The following TMEM132C variants were observed in gnomAD, a reference collection of about 807,000 sequenced individuals.
The protein encoded by TMEM132C is protein phosphatase 1, regulatory subunit 152.
TMEM132C carries 29 observed loss-of-function variants against 61.4 expected under a neutral mutation model. The observed-to-expected ratio is 0.47, with a 90% confidence interval of 0.35 to 0.64. The LOEUF (loss-of-function observed/expected upper bound fraction) is 0.64, where lower values mean the gene tolerates loss of function less well. TMEM132C is among the 30% of genes least tolerant of loss of function. The pLI is 0.00. For missense variants in TMEM132C, 1,408 were observed against 1,476.9 expected (o/e 0.95, Z 0.76); for synonymous variants, 656 against 633.1 (o/e 1.04, Z -0.54).
chr12:128,299,744 G>A (rs929184507), intron 1 of TMEM132C, among the ~76,000 whole-genome samples: 12 of 152,230 alleles, frequency 7.9e-5, no homozygotes, highest in Admixed American at 2.6e-4. Flanking sequence ...TCCTGCTGCC[G>A]AGGGTCTCTA....
intron 2 of TMEM132C, among the ~76,000 whole-genome samples, chr12:128,467,356 T>C (rs1870771459): frequency 6.6e-6 from 1 of 152,124 alleles, no homozygotes; most frequent in Non-Finnish European, 1.5e-5. Context: ...AATGCCAAAT[T>C]GTCATGTCTT....
chr12:128,364,651 C>T (rs536277581), intron 1 of TMEM132C, among the ~76,000 whole-genome samples: 8 of 152,178 alleles, frequency 5.3e-5, no homozygotes, highest in East Asian at 3.9e-4. Context: ...GACAGAGACC[C>T]GGGTGGCAGT....
At chr12:128,554,998 C>G (rs1874286600) in intron 3 of TMEM132C, among the ~76,000 whole-genome samples, 2 of 152,184 alleles carry the variant, frequency 1.3e-5, no homozygotes. Flanking sequence ...AGTGATGCCT[C>G]TCCTGTTCTT....
At chr12:128,628,255 C>A (rs1014507200) in intron 4 of TMEM132C, among the ~76,000 whole-genome samples, 1 of 152,154 alleles carries the variant, frequency 6.6e-6, no homozygotes, top group Non-Finnish European at 1.5e-5. Flanking sequence ...CCTGCTCTTG[C>A]CTCCCTGAAA....
At chr12:128,546,089 C>A (rs1873940941) in intron 3 of TMEM132C, among the ~76,000 whole-genome samples, 1 of 152,110 alleles carries the variant, frequency 6.6e-6, no homozygotes, top group Non-Finnish European at 1.5e-5. Context: ...TCTGGTGTCC[C>A]AAACAGTTCA....
intron 2 of TMEM132C, among the ~76,000 whole-genome samples, chr12:128,428,112 C>T (rs368948704): frequency 3.9e-5 from 6 of 152,098 alleles, no homozygotes; most frequent in South Asian, 2.1e-4. Context: ...ATTCCTGATA[C>T]GCCATGCAAT....
intron 3 of TMEM132C, among the ~76,000 whole-genome samples, chr12:128,608,831 G>C (rs1020193506): frequency 2.0e-5 from 3 of 152,186 alleles, no homozygotes; most frequent in African/African-American, 4.8e-5. Flanking sequence ...CTGATTTAGA[G>C]GAGGGGGAGG....
intron 2 of TMEM132C, among the ~76,000 whole-genome samples, chr12:128,537,740 T>C (rs969515218): frequency 6.6e-6 from 1 of 152,172 alleles, no homozygotes; most frequent in Non-Finnish European, 1.5e-5. Flanking sequence ...AATCTATACA[T>C]AGGATATAAT....
intron 3 of TMEM132C, among the ~76,000 whole-genome samples, chr12:128,592,172 C>T (rs1875776973): frequency 6.6e-6 from 1 of 152,134 alleles, no homozygotes; most frequent in East Asian, 1.9e-4. Flanking sequence ...TTTAACTGGG[C>T]CAGGCAGGCT....
intron 3 of TMEM132C, among the ~76,000 whole-genome samples, chr12:128,601,424 G>A (rs908196596): frequency 1.3e-5 from 2 of 152,236 alleles, no homozygotes; most frequent in Non-Finnish European, 2.9e-5. Context: ...CGATCACGGG[G>A]AGTAGAACGG....
At chr12:128,325,739 G>A (rs1198286727) in intron 1 of TMEM132C, among the ~76,000 whole-genome samples, 1 of 152,080 alleles carries the variant, frequency 6.6e-6, no homozygotes, top group Non-Finnish European at 1.5e-5. Flanking sequence ...TTTCACCAGT[G>A]GGCATCTGGT....
intron 2 of TMEM132C, among the ~76,000 whole-genome samples, chr12:128,504,827 G>T (rs1400233197): frequency 7.4e-6 from 1 of 134,850 alleles, no homozygotes; most frequent in East Asian, 2.6e-4. Context: ...GTGGGGGTGG[G>T]GGTGGGGGTG....
chr12:128,697,426 A>G lies in TMEM132C; in HGVS notation c.2121+11A>G. 2.0e-6 allele frequency: 3 copies of G among 1,525,542 alleles called. No individual in the cohort carries two copies. Among genetic ancestry groups the G allele is most frequent in the Non-Finnish European group, 2.7e-6 (3 of 1,127,676 alleles). 94.5% of individuals were successfully genotyped at this position (1,525,542 alleles called of 1,614,324 possible). On this transcript the variant is annotated intron_variant, in intron 8 of 8. Coordinates refer to ENST00000435159, the MANE Select transcript of TMEM132C (RefSeq NM_001136103.3). ...CGGACCCCCAAACAGGTAGGGGGCC[A>G]AATGCCAGAGGTTCAGAGGGAGCAG...
In TMEM132C at chr12:128,514,840, C is replaced by T. The variant is rs566819333; in HGVS notation, c.975-29117C>T. Among the ~76,000 whole-genome samples the T allele has an allele frequency of 1.4e-4, 22 of 152,334 alleles. No individual in the cohort carries two copies. The South Asian group carries it at 4.1e-3, about 29-fold the overall frequency. ...GTGTAGTAGTGAACACAGCAGACAACATTCCCAGCTCTACATTCTAGTGAG... is the reference window on the plus strand; with the variant it reads ...GTGTAGTAGTGAACACAGCAGACAATATTCCCAGCTCTACATTCTAGTGAG... On this transcript the variant is annotated intron_variant, in intron 2 of 8. Transcript: ENST00000435159.
chr12:128,387,939 C>T (rs1874638231), intron 1 of TMEM132C, among the ~76,000 whole-genome samples: 1 of 152,226 alleles, frequency 6.6e-6, no homozygotes, highest in Non-Finnish European at 1.5e-5. Flanking sequence ...TGCTCCTGGG[C>T]AGCCGTGCCC....
At chr12:128,334,597 T>C (rs906912991) in intron 1 of TMEM132C, among the ~76,000 whole-genome samples, 3 of 151,170 alleles carry the variant, frequency 2.0e-5, no homozygotes, top group African/African-American at 4.9e-5. Flanking sequence ...TTTTTCACTT[T>C]CCTTTTTTTT....
intron 4 of TMEM132C, among the ~76,000 whole-genome samples, chr12:128,622,744 G>T (rs1488007588): frequency 2.0e-5 from 3 of 152,004 alleles, no homozygotes; most frequent in Admixed American, 2.0e-4. Context: ...GTAGGATGTG[G>T]GGGAGATCTC....
chr12:128,375,171 G>A (rs73434702), intron 1 of TMEM132C, among the ~76,000 whole-genome samples: 1,631 of 152,060 alleles, frequency 0.011, 27 homozygotes, highest in African/African-American at 0.037. Flanking sequence ...TCCCCTGTGG[G>A]ATGGCTGGTT....
rs577164389 is a variant in TMEM132C at position 128,624,652 on chromosome 12, C to T, written c.1305+8317C>T. ...CTTTGCTTGGCACTTAGTAAGTCTT[C>T]AGGAAATGCTAGTTATTTTAGCTTA... On this transcript the variant is annotated intron_variant, in intron 4 of 8. Transcript: ENST00000435159. Among the ~76,000 whole-genome samples, 115 of 151,596 alleles carry T rather than the reference C, an allele frequency of 7.6e-4. 1 individual carries two copies. Among genetic ancestry groups the T allele is most frequent in the African/African-American group, 2.6e-3 (106 of 41,312 alleles).
Sources: gnomAD v4.1 joint callset for allele counts (sites outside exome capture counted in the v4.1 genomes callset) on GRCh38, gnomAD v4.1.1 for gene constraint, MANE v1.5 for transcripts, NCBI Gene and HGNC (gene_info 2026-07-23, HGNC 2026-07-21) for gene names.